The following RBFOX1 variants were observed in gnomAD, a reference collection of about 807,000 sequenced individuals.
RBFOX1 encodes the protein RNA binding protein fox-1 homolog 1.
A neutral mutation model predicts 57.7 loss-of-function variants in RBFOX1; 8 were observed. The observed-to-expected ratio is 0.14, with a 90% CI of 0.08 to 0.25. The LOEUF (loss-of-function observed/expected upper bound fraction) is 0.25, where lower values mean the gene tolerates loss of function less well. Ranked by LOEUF, RBFOX1 falls within the 10% of genes least tolerant of loss-of-function variation. RBFOX1 has a pLI of 1.00. For missense variants in RBFOX1, 611 were observed against 548.5 expected (o/e 1.11, Z -1.14); for synonymous variants, 326 against 222.4 (o/e 1.47, Z -4.15).
At chr16:6,814,197 A>T (rs946774574) in intron 3 of RBFOX1, among the ~76,000 whole-genome samples, 1 of 146,578 alleles carries the variant, frequency 6.8e-6, no homozygotes, top group African/African-American at 2.5e-5. Context: ...GATCAACATG[A>T]TGATAATAAC....
intron 2 of RBFOX1, among the ~76,000 whole-genome samples, chr16:6,562,575 C>T (rs891341999): frequency 1.3e-5 from 2 of 152,156 alleles, no homozygotes; most frequent in East Asian, 1.9e-4. Context: ...TTGGATATTT[C>T]ACTAATAGGT....
intron 1 of RBFOX1, among the ~76,000 whole-genome samples, chr16:6,165,691 C>A (rs985790549): frequency 7.9e-5 from 12 of 152,224 alleles, no homozygotes; most frequent in African/African-American, 2.7e-4. Flanking sequence ...TCTAAACGCA[C>A]AACATGCATG....
At chr16:7,288,452 T>G (rs117912218) in intron 4 of RBFOX1, among the ~76,000 whole-genome samples, 6 of 152,214 alleles carry the variant, frequency 3.9e-5, no homozygotes, top group Non-Finnish European at 7.3e-5. Context: ...CACATCACCT[T>G]GCTTATCAGA....
chr16:6,605,881 CT>C (rs2097918486), intron 2 of RBFOX1, among the ~76,000 whole-genome samples: 1 of 152,122 alleles, frequency 6.6e-6, no homozygotes, highest in Admixed American at 6.5e-5. Context: ...GGGTGGATCA[CT>C]TGAGGGCAGG....
At chr16:7,073,304 CA>C (rs1304233244) in intron 4 of RBFOX1, among the ~76,000 whole-genome samples, 7 of 152,166 alleles carry the variant, frequency 4.6e-5, no homozygotes, top group African/African-American at 1.7e-4. Flanking sequence ...CAGAAAATGT[CA>C]GCCAATCCCT....
chr16:6,222,414 C>G (rs903911474), intron 1 of RBFOX1, among the ~76,000 whole-genome samples: 2 of 151,898 alleles, frequency 1.3e-5, no homozygotes, highest in African/African-American at 4.8e-5. Flanking sequence ...TACGTTTTCC[C>G]TTCCCTCCTT....
rs2154076047 is a variant in RBFOX1 at position 6,643,548 on chromosome 16, A to G, written c.-63-11055A>G. 1.3e-5 allele frequency among the ~76,000 whole-genome samples: 2 copies of G among 152,294 alleles called. 1 individual carries two copies. The highest frequency in any genetic ancestry group is 4.1e-4 in the South Asian group (2 of 4,828). ...ACATCAGAGTTACTCAAGTTTTGAA[A>G]GCCAGAACACCCTCGTTATCTTTAA... On this transcript the variant is annotated intron_variant, in intron 2 of 15. Coordinates refer to ENST00000550418, the MANE Select transcript of RBFOX1 (RefSeq NM_018723.4).
At chr16:6,885,021 T>C (rs945341316) in intron 3 of RBFOX1, among the ~76,000 whole-genome samples, 26 of 152,234 alleles carry the variant, frequency 1.7e-4, no homozygotes, top group Admixed American at 9.2e-4. Context: ...ATTACTGTCA[T>C]GTTTTAGAAA....
At chr16:7,237,566 A>G (rs184197179) in intron 4 of RBFOX1, among the ~76,000 whole-genome samples, 33 of 152,348 alleles carry the variant, frequency 2.2e-4, no homozygotes, top group Admixed American at 4.6e-4. Context: ...ATTTGGACCA[A>G]CTGGCTTCCT....
At chr16:6,023,407 A>G (rs1264174066) in intron 1 of RBFOX1, among the ~76,000 whole-genome samples, 6 of 152,160 alleles carry the variant, frequency 3.9e-5, no homozygotes, top group African/African-American at 1.4e-4. Flanking sequence ...ATTATATTTT[A>G]TCAAAGTCCT....
chr16:6,310,903 A>C (rs1391286981), intron 1 of RBFOX1, among the ~76,000 whole-genome samples: 1 of 62,140 alleles, frequency 1.6e-5, no homozygotes, highest in South Asian at 4.6e-4. Flanking sequence ...CAGTGGTTTA[A>C]AAAAAAAAAA....
chr16:5,240,621 C>T (rs1334009268), intron 1 of RBFOX1, among the ~76,000 whole-genome samples: 1 of 152,172 alleles, frequency 6.6e-6, no homozygotes, highest in Non-Finnish European at 1.5e-5. Flanking sequence ...TCTGGTTGGG[C>T]AGCGAGAGTT....
intron 11 of RBFOX1, among the ~76,000 whole-genome samples, chr16:7,640,948 A>T (rs533237678): frequency 3.3e-5 from 5 of 151,120 alleles, no homozygotes; most frequent in African/African-American, 9.7e-5. Context: ...AGCTCTGAGC[A>T]GGTAAGTTGC....
At chr16:7,173,172 T>C (rs1052493042) in intron 4 of RBFOX1, among the ~76,000 whole-genome samples, 7 of 152,200 alleles carry the variant, frequency 4.6e-5, no homozygotes, top group African/African-American at 1.7e-4. Context: ...ACAAAAATCA[T>C]ACAACTGTTT....
In RBFOX1 at chr16:5,899,784, C is replaced by G. The variant is rs576712578; in HGVS notation, c.351+32449C>G. On this transcript the variant is annotated intron_variant, in intron 4 of 19. Coordinates refer to the RBFOX1 transcript ENST00000641259. ...CATGCTGAAAGCTATGGCGACAGTTCCTTTGATGGCCCGGCATGGTGGCTT... is the reference window on the plus strand; with the variant it reads ...CATGCTGAAAGCTATGGCGACAGTTGCTTTGATGGCCCGGCATGGTGGCTT... Among the ~76,000 whole-genome samples, 20 of 152,268 alleles carry G rather than the reference C, an allele frequency of 1.3e-4. No individual in the cohort carries two copies. The East Asian group carries it at 3.9e-3, about 29-fold the overall frequency.
intron 1 of RBFOX1, among the ~76,000 whole-genome samples, chr16:6,215,565 A>C (rs1257159915): frequency 6.6e-6 from 1 of 152,096 alleles, no homozygotes; most frequent in Admixed American, 6.5e-5. Context: ...TGGGACTAGC[A>C]GTTGTAAACA....
intron 4 of RBFOX1, among the ~76,000 whole-genome samples, chr16:7,093,720 A>T (rs1442513943): frequency 1.3e-5 from 2 of 152,084 alleles, no homozygotes; most frequent in African/African-American, 4.8e-5. Context: ...AGGGAGTAAT[A>T]CGCTATTTTC....
intron 4 of RBFOX1, among the ~76,000 whole-genome samples, chr16:7,373,860 T>C (rs571914222): frequency 8.1e-4 from 124 of 152,310 alleles, no homozygotes; most frequent in African/African-American, 2.8e-3. Flanking sequence ...GCTCAGCTTC[T>C]CGTGAGAGAG....
chr16:6,881,958 G>C (rs1028074495), intron 3 of RBFOX1, among the ~76,000 whole-genome samples: 1 of 152,086 alleles, frequency 6.6e-6, no homozygotes, highest in Non-Finnish European at 1.5e-5. Context: ...AAAAAGAAGG[G>C]AACTTGGTTA....
Sources: allele counts gnomAD v4.1 joint callset (sites outside exome capture counted in the v4.1 genomes callset), GRCh38; gene constraint gnomAD v4.1.1; transcripts MANE v1.5; gene names NCBI Gene and HGNC (gene_info 2026-07-23, HGNC 2026-07-21).